The following IMMP2L variants were observed in gnomAD, a reference collection of about 807,000 sequenced individuals.
The protein encoded by IMMP2L is inner mitochondrial membrane peptidase subunit 2.
Under a neutral mutation model 19.3 loss-of-function variants are expected in IMMP2L, and 18 were observed. The observed-to-expected ratio is 0.93, with a 90% CI of 0.64 to 1.38. The LOEUF (loss-of-function observed/expected upper bound fraction) is 1.38, where lower values mean the gene tolerates loss of function less well. IMMP2L is among the 40% of genes most tolerant of loss of function. IMMP2L has a pLI of 0.00. For synonymous variants in IMMP2L, 76 were observed against 73.0 expected (o/e 1.04, Z -0.21); for missense variants, 233 against 218.2 (o/e 1.07, Z -0.43).
rs187972950 is a variant in IMMP2L, at chr7:111,074,125, A to G, written c.240-110560T>C. Among the ~76,000 whole-genome samples the G allele has an allele frequency of 9.2e-4, 140 of 152,354 alleles. 1 individual carries two copies. The East Asian group carries it at 0.023, about 25-fold the overall frequency. ...AAACATCAAAGCTGGAAGGGACACC[A>G]GAGACAACCAGGTTTATACCCTCAT... On this transcript the variant is annotated intron_variant, in intron 3 of 5. Transcript: ENST00000405709.
chr7:110,742,768 CA>C (rs35558488), intron 5 of IMMP2L, among the ~76,000 whole-genome samples: 71,591 of 121,280 alleles, frequency 0.59, 20,816 homozygotes, highest in East Asian at 0.81. Flanking sequence ...AACTCCGTCT[CA>C]AAAAAAAAAA....
chr7:111,002,233 A>T, intron 3 of IMMP2L, among the ~76,000 whole-genome samples: 1 of 152,266 alleles, frequency 6.6e-6, no homozygotes, highest in East Asian at 1.9e-4. Flanking sequence ...AAATTACCCT[A>T]AGGTAATAGA....
intron 5 of IMMP2L, among the ~76,000 whole-genome samples, chr7:110,822,315 C>A (rs1341952604): frequency 6.6e-6 from 1 of 152,096 alleles, no homozygotes; most frequent in African/African-American, 2.4e-5. Flanking sequence ...TGTCTTGAAT[C>A]ATTTGCAGGA....
chr7:110,788,983 T>A (rs1800278695), intron 5 of IMMP2L, among the ~76,000 whole-genome samples: 1 of 151,824 alleles, frequency 6.6e-6, no homozygotes, highest in Non-Finnish European at 1.5e-5. Flanking sequence ...CAGTCAGTCT[T>A]GGAACTTAGC....
At chr7:111,109,633 C>G (rs1443224673) in intron 3 of IMMP2L, among the ~76,000 whole-genome samples, 1 of 152,170 alleles carries the variant, frequency 6.6e-6, no homozygotes, top group East Asian at 1.9e-4. Context: ...TTCACCACCT[C>G]ATGAAATCTC....
At chr7:111,271,564 G>C (rs537477776) in intron 3 of IMMP2L, among the ~76,000 whole-genome samples, 100 of 152,222 alleles carry the variant, frequency 6.6e-4, no homozygotes, top group Non-Finnish European at 1.4e-3. Flanking sequence ...TTCTGATATA[G>C]AGTAGGTCAA....
intron 5 of IMMP2L, among the ~76,000 whole-genome samples, chr7:110,840,190 T>A (rs1374179477): frequency 6.6e-6 from 1 of 152,124 alleles, no homozygotes; most frequent in Non-Finnish European, 1.5e-5. Flanking sequence ...TGGTAGTATC[T>A]CCCCACTTTC....
At chr7:110,746,956 A>G (rs1473292968) in intron 5 of IMMP2L, among the ~76,000 whole-genome samples, 1 of 152,186 alleles carries the variant, frequency 6.6e-6, no homozygotes, top group African/African-American at 2.4e-5. Context: ...AAAATCAGTG[A>G]ATCCAGGAGG....
intron 3 of IMMP2L, among the ~76,000 whole-genome samples, chr7:111,129,625 C>T (rs576073717): frequency 1.3e-5 from 2 of 152,120 alleles, no homozygotes; most frequent in African/African-American, 2.4e-5. Context: ...CAGCGTTGTA[C>T]TGGAATGCCA....
At chr7:111,179,090 G>T (rs183362605) in intron 3 of IMMP2L, among the ~76,000 whole-genome samples, 64 of 152,076 alleles carry the variant, frequency 4.2e-4, no homozygotes, top group Admixed American at 3.2e-3. Context: ...TTCATGGTCT[G>T]CAAAATAAAT....
At chr7:111,552,860 T>C (rs1790832642) in intron 1 of IMMP2L, among the ~76,000 whole-genome samples, 1 of 152,144 alleles carries the variant, frequency 6.6e-6, no homozygotes, top group Non-Finnish European at 1.5e-5. Context: ...AGTTTCTACT[T>C]TGGCAGCTTG....
At chr7:110,802,331 A>G (rs10566868) in intron 5 of IMMP2L, among the ~76,000 whole-genome samples, 2 of 146,982 alleles carry the variant, frequency 1.4e-5, no homozygotes, top group African/African-American at 5.0e-5. Context: ...GTATGTGTGT[A>G]TGTGTGTGTG....
At chr7:110,969,070 T>A (rs1236863202) in intron 3 of IMMP2L, among the ~76,000 whole-genome samples, 1 of 152,068 alleles carries the variant, frequency 6.6e-6, no homozygotes, top group Non-Finnish European at 1.5e-5. Flanking sequence ...CACAATTAGC[T>A]AAAGAAACAG....
Position 110,663,337 on chromosome 7 carries a change from A to C in IMMP2L, c.*265T>G, listed in dbSNP as rs1413636778. 1 of 293,446 alleles carries C rather than the reference A, an allele frequency of 3.4e-6. No individual in the cohort carries two copies. Among genetic ancestry groups the C allele is most frequent in the Admixed American group, 4.8e-5 (1 of 21,036 alleles). 18.2% of individuals were successfully genotyped at this position (293,446 alleles called of 1,614,324 possible). A position where few individuals can be genotyped will look rare whatever the true frequency, so the allele number is the denominator to read the frequency against. On this transcript the variant is annotated 3_prime_UTR_variant, in exon 6 of 6. Transcript: ENST00000405709. ...CAGCCCCATTAAGACATGTGGGTGC[A>C]ATATTTTTATATTCCCAAAGGTCTG...
chr7:111,056,271 T>C (rs552648425), intron 3 of IMMP2L, among the ~76,000 whole-genome samples: 186 of 152,350 alleles, frequency 1.2e-3, no homozygotes, highest in South Asian at 8.5e-3. Flanking sequence ...CTAATGACCT[T>C]CTGTCAACCA....
intron 3 of IMMP2L, among the ~76,000 whole-genome samples, chr7:111,025,278 G>C (rs956137842): frequency 2.0e-5 from 3 of 152,134 alleles, no homozygotes; most frequent in African/African-American, 4.8e-5. Flanking sequence ...ATAAGATGTG[G>C]TTAGCCATGT....
At chr7:111,058,976 T>A in intron 3 of IMMP2L, among the ~76,000 whole-genome samples, 1 of 152,142 alleles carries the variant, frequency 6.6e-6, no homozygotes, top group South Asian at 2.1e-4. Flanking sequence ...TTTTTTAACT[T>A]TTTATTTATT....
intron 5 of IMMP2L, among the ~76,000 whole-genome samples, chr7:110,726,025 A>G (rs1319394093): frequency 6.6e-6 from 1 of 152,192 alleles, no homozygotes; most frequent in Non-Finnish European, 1.5e-5. Context: ...CATAGAGATT[A>G]AATAACTTGC....
intron 5 of IMMP2L, among the ~76,000 whole-genome samples, chr7:110,783,095 G>T (rs372301629): frequency 6.6e-6 from 1 of 151,812 alleles, no homozygotes; most frequent in Non-Finnish European, 1.5e-5. Flanking sequence ...ATCTCGAGGT[G>T]TATAATGTTA....
Sources: gnomAD v4.1 joint callset for allele counts (sites outside exome capture counted in the v4.1 genomes callset) on GRCh38, gnomAD v4.1.1 for gene constraint, MANE v1.5 for transcripts, NCBI Gene and HGNC (gene_info 2026-07-23, HGNC 2026-07-21) for gene names.